The following ALDH5A1 variants were observed in gnomAD, a reference collection of about 807,000 sequenced individuals.
The protein encoded by ALDH5A1 is succinate-semialdehyde dehydrogenase, mitochondrial.
ALDH5A1 carries 33 observed loss-of-function variants against 54.7 expected under a neutral mutation model. The observed-to-expected ratio is 0.60, with a 90% confidence interval of 0.46 to 0.81. The LOEUF is 0.81. ALDH5A1 is among the 30% of genes least tolerant of loss of function. The pLI, the probability that ALDH5A1 is intolerant of heterozygous loss-of-function variation, is 0.00. For missense variants in ALDH5A1, 657 were observed against 711.0 expected (o/e 0.92, Z 0.86); for synonymous variants, 294 against 292.7 (o/e 1.00, Z -0.05).
intron 4 of ALDH5A1, among the ~76,000 whole-genome samples, chr6:24,507,612 A>G (rs147603998): frequency 1.6e-4 from 24 of 152,114 alleles, no homozygotes; most frequent in African/African-American, 5.3e-4. Context: ...ATCTCTATAA[A>G]GTTTTCAGGA....
At position 24,515,286 on chromosome 6, in the gene ALDH5A1, T is replaced by C; in HGVS notation, c.846T>C (p.Phe282=). The C allele has an allele frequency of 6.2e-7, 1 of 1,614,126 alleles. No individual in the cohort carries two copies. Residue 282 remains phenylalanine, a synonymous_variant, in exon 5 of 10, where the codon TTT becomes TTC. Coordinates refer to ENST00000357578, the MANE Select transcript of ALDH5A1 (RefSeq NM_001080.3). The part of the protein sequence containing the change: ...CTDPLVSKIS[F]TGSTTTGKIL... Reference sequence around the variant, plus strand: ...ATCCTCTGGTGTCCAAAATTTCCTTTACTGGTTCAACAACTACAGGAAAGG... The same window carrying C: ...ATCCTCTGGTGTCCAAAATTTCCTTCACTGGTTCAACAACTACAGGAAAGG...
chr6:24,508,062 A>G (rs903286932), intron 4 of ALDH5A1, among the ~76,000 whole-genome samples: 14 of 151,986 alleles, frequency 9.2e-5, no homozygotes, highest in African/African-American at 3.1e-4. Context: ...TGAGTTACTT[A>G]ACTTAGAATA....
At chr6:24,499,571 C>G (rs560783486) in intron 1 of ALDH5A1, among the ~76,000 whole-genome samples, 2 of 151,884 alleles carry the variant, frequency 1.3e-5, no homozygotes, top group South Asian at 4.2e-4. Context: ...TGGCTCACTG[C>G]AGCCTCAAAC....
chr6:24,516,838 AC>A (rs1759585085), intron 5 of ALDH5A1, among the ~76,000 whole-genome samples: 1 of 152,092 alleles, frequency 6.6e-6, no homozygotes, highest in African/African-American at 2.4e-5. Flanking sequence ...TGAGAGGATC[AC>A]CTGAGCCTGG....
chr6:24,501,748 T>C (rs1764821701), intron 1 of ALDH5A1, among the ~76,000 whole-genome samples: 1 of 151,996 alleles, frequency 6.6e-6, no homozygotes, highest in African/African-American at 2.4e-5. Flanking sequence ...TTTTTTTTAT[T>C]TGTGTGCTTT....
At chr6:24,507,962 A>G (rs1759389163) in intron 4 of ALDH5A1, among the ~76,000 whole-genome samples, 1 of 151,756 alleles carries the variant, frequency 6.6e-6, no homozygotes, top group Non-Finnish European at 1.5e-5. Flanking sequence ...TGAGTCCCCA[A>G]AGTCCACTGT....
intron 8 of ALDH5A1, 94 bp downstream of exon 8, chr6:24,528,260 C>T (rs1279703711): frequency 1.4e-6 from 2 of 1,459,528 alleles, no homozygotes; most frequent in East Asian, 2.3e-5. Context: ...TGAGGTCTGG[C>T]CAGGAGGCAG....
At chr6:24,502,855 C>T (rs1759230460) in intron 2 of ALDH5A1, among the ~76,000 whole-genome samples, 1 of 151,140 alleles carries the variant, frequency 6.6e-6, no homozygotes. Context: ...ATATGAATAA[C>T]TGCTGTTTCA....
At chr6:24,523,334 TA>T (rs776774807) in intron 7 of ALDH5A1, among the ~76,000 whole-genome samples, 24 of 140,148 alleles carry the variant, frequency 1.7e-4, no homozygotes, top group South Asian at 9.1e-4. Flanking sequence ...TAATAATAGC[TA>T]AAAAAAATGA....
At chr6:24,510,405 A>G (rs1487028912) in intron 4 of ALDH5A1, among the ~76,000 whole-genome samples, 4 of 151,916 alleles carry the variant, frequency 2.6e-5, no homozygotes. Context: ...TGGAGTATTG[A>G]AATCCCCCAT....
At chr6:24,510,096 A>G (rs780461478) in intron 4 of ALDH5A1, among the ~76,000 whole-genome samples, 18 of 152,072 alleles carry the variant, frequency 1.2e-4, no homozygotes, top group Admixed American at 8.5e-4. Context: ...TTTAATTTCT[A>G]TGTATTTGCA....
chr6:24,532,086 T>G, intron 8 of ALDH5A1, 33 bp from the exon 9 acceptor site: 1 of 1,606,590 alleles, frequency 6.2e-7, no homozygotes, highest in Non-Finnish European at 8.5e-7. Flanking sequence ...CTCTCCCCCT[T>G]ACATTTTTTA....
chr6:24,507,966 C>G (rs569939197), intron 4 of ALDH5A1, among the ~76,000 whole-genome samples: 2 of 152,202 alleles, frequency 1.3e-5, no homozygotes, highest in South Asian at 4.2e-4. Flanking sequence ...TCCCCAAAGT[C>G]CACTGTGTCA....
intron 5 of ALDH5A1, among the ~76,000 whole-genome samples, chr6:24,517,748 T>A (rs969539162): frequency 1.3e-5 from 2 of 152,196 alleles, no homozygotes; most frequent in African/African-American, 4.8e-5. Context: ...CAAGTATAGC[T>A]GAAGGGATAA....
intron 7 of ALDH5A1, among the ~76,000 whole-genome samples, chr6:24,526,974 GTATATATA>G (rs58873176): frequency 1.6e-4 from 5 of 30,592 alleles, no homozygotes; most frequent in Admixed American, 6.9e-4. Flanking sequence ...ATGTGTGTGT[GTATATATA>G]TATATATATA....
At chr6:24,520,312 T>C (rs1465143532) in intron 5 of ALDH5A1, 89 bp from the exon 6 acceptor site, 2 of 1,554,428 alleles carry the variant, frequency 1.3e-6, no homozygotes, top group Non-Finnish European at 1.8e-6. Context: ...ACCTTGCTTT[T>C]TTCACCATTT....
At chr6:24,511,229 C>G (rs1178311494) in intron 4 of ALDH5A1, among the ~76,000 whole-genome samples, 3 of 152,176 alleles carry the variant, frequency 2.0e-5, no homozygotes, top group Non-Finnish European at 4.4e-5. Context: ...TTACCTGGTG[C>G]TTTTGCCTCA....
At chr6:24,496,728 A>G (rs1055395212) in intron 1 of ALDH5A1, among the ~76,000 whole-genome samples, 1 of 152,226 alleles carries the variant, frequency 6.6e-6, no homozygotes, top group Non-Finnish European at 1.5e-5. Flanking sequence ...GTGTCTCCAC[A>G]TGGTCTTTCC....
chr6:24,506,557 C>T (rs893280936), intron 4 of ALDH5A1, among the ~76,000 whole-genome samples: 17 of 152,028 alleles, frequency 1.1e-4, no homozygotes, highest in African/African-American at 4.1e-4. Context: ...GGCCTCTTTC[C>T]TGGTTTCTAA....
Sources: allele counts gnomAD v4.1 joint callset (sites outside exome capture counted in the v4.1 genomes callset), GRCh38; gene constraint gnomAD v4.1.1; transcripts MANE v1.5; gene names NCBI Gene and HGNC (gene_info 2026-07-23, HGNC 2026-07-21).